The following SLC12A1 variants were observed in gnomAD, a reference collection of about 807,000 sequenced individuals.
SLC12A1 encodes the protein solute carrier family 12 member 1.
SLC12A1 carries 89 observed loss-of-function variants against 130.4 expected under a neutral mutation model. The ratio of observed to expected loss-of-function variants is 0.68; its 90% CI spans 0.58 to 0.81. SLC12A1 has a LOEUF of 0.81. SLC12A1 is among the 40% of genes least tolerant of loss of function. The pLI, the probability that SLC12A1 is intolerant of heterozygous loss-of-function variation, is 0.00. For synonymous variants in SLC12A1, 499 were observed against 460.0 expected (o/e 1.08, Z -1.09); for missense variants, 1,310 against 1,336.4 (o/e 0.98, Z 0.31).
intron 10 of SLC12A1, among the ~76,000 whole-genome samples, chr15:48,244,000 A>G (rs149376533): frequency 6.6e-6 from 1 of 152,264 alleles, no homozygotes; most frequent in South Asian, 2.1e-4. Flanking sequence ...TGATTAAAAT[A>G]TATATCAAGA....
chr15:48,287,454 A>T (rs1387974109), intron 21 of SLC12A1, among the ~76,000 whole-genome samples: 2 of 152,190 alleles, frequency 1.3e-5, no homozygotes, highest in Admixed American at 1.3e-4. Flanking sequence ...AAAGCAGAAG[A>T]GTAAGCCAGG....
At chr15:48,292,870 T>G (rs1335788245) in intron 24 of SLC12A1, among the ~76,000 whole-genome samples, 3 of 151,926 alleles carry the variant, frequency 2.0e-5, no homozygotes, top group African/African-American at 7.3e-5. Context: ...TGAATTTGGG[T>G]GGGGGGACAC....
At chr15:48,247,715 C>T (rs549944974) in intron 13 of SLC12A1, among the ~76,000 whole-genome samples, 1 of 152,284 alleles carries the variant, frequency 6.6e-6, no homozygotes, top group East Asian at 1.9e-4. Flanking sequence ...TGAATCCTTC[C>T]TCCCACCTGC....
intron 26 of SLC12A1, among the ~76,000 whole-genome samples, chr15:48,302,020 T>G (rs945501390): frequency 9.2e-5 from 14 of 152,178 alleles, no homozygotes; most frequent in African/African-American, 3.4e-4. Context: ...TGGACAACTA[T>G]CCATCAAAGA....
intron 2 of SLC12A1, among the ~76,000 whole-genome samples, chr15:48,208,677 T>C (rs144436906): frequency 6.6e-5 from 10 of 152,324 alleles, no homozygotes; most frequent in Admixed American, 6.5e-4. Flanking sequence ...AGGCAATATG[T>C]TGTACCTTGT....
chr15:48,248,154 T>C (rs1000633982), intron 13 of SLC12A1, among the ~76,000 whole-genome samples: 2 of 152,128 alleles, frequency 1.3e-5, no homozygotes, highest in African/African-American at 4.8e-5. Flanking sequence ...CAGAGGACAT[T>C]GGGAGCCACA....
At chr15:48,276,305 A>G (rs2041952861) in intron 20 of SLC12A1, among the ~76,000 whole-genome samples, 1 of 152,194 alleles carries the variant, frequency 6.6e-6, no homozygotes, top group South Asian at 2.1e-4. Context: ...CTGAGCTGGA[A>G]ATACAGATTT....
chr15:48,294,190 A>T (rs1422727614), intron 24 of SLC12A1, among the ~76,000 whole-genome samples: 2 of 151,962 alleles, frequency 1.3e-5, no homozygotes, highest in Non-Finnish European at 2.9e-5. Flanking sequence ...CTCTACTAAA[A>T]ATTCAAAAAT....
intron 19 of SLC12A1, among the ~76,000 whole-genome samples, chr15:48,270,372 T>C (rs187276560): frequency 1.3e-5 from 2 of 152,160 alleles, no homozygotes; most frequent in Admixed American, 1.3e-4. Context: ...CTTTAACATG[T>C]ATTATCTCAT....
intron 17 of SLC12A1, among the ~76,000 whole-genome samples, chr15:48,261,156 G>A (rs2041769980): frequency 6.6e-6 from 1 of 152,124 alleles, no homozygotes; most frequent in African/African-American, 2.4e-5. Context: ...TAAGCAGTTT[G>A]GGGTGTTTTT....
intron 24 of SLC12A1, among the ~76,000 whole-genome samples, chr15:48,297,838 G>A (rs1034920566): frequency 6.6e-6 from 1 of 152,126 alleles, no homozygotes; most frequent in Non-Finnish European, 1.5e-5. Flanking sequence ...CGAGAACCCA[G>A]ACCCTACTCT....
intron 20 of SLC12A1, among the ~76,000 whole-genome samples, chr15:48,275,098 T>C (rs1286005046): frequency 6.6e-6 from 1 of 152,206 alleles, no homozygotes; most frequent in Non-Finnish European, 1.5e-5. Flanking sequence ...GAATCACTAA[T>C]CTAAGTCAGA....
intron 10 of SLC12A1, 103 bp downstream of exon 10, chr15:48,241,702 A>G (rs1161041453): frequency 2.5e-6 from 2 of 811,256 alleles, no homozygotes; most frequent in Non-Finnish European, 4.2e-6. Context: ...GTTTTTTAAA[A>G]GGCAACAATT....
intron 10 of SLC12A1, among the ~76,000 whole-genome samples, chr15:48,244,150 C>G (rs1016961491): frequency 1.3e-5 from 2 of 152,112 alleles, no homozygotes; most frequent in African/African-American, 4.8e-5. Context: ...AATAGATCAG[C>G]TGAGATAGAT....
At chr15:48,248,223 A>G (rs1250737984) in intron 13 of SLC12A1, among the ~76,000 whole-genome samples, 1 of 152,204 alleles carries the variant, frequency 6.6e-6, no homozygotes, top group Admixed American at 6.5e-5. Context: ...GCTCCTCATC[A>G]TTACATATTG....
At chr15:48,259,072 C>G in intron 16 of SLC12A1, 128 bp from the exon 17 acceptor site, 1 of 628,026 alleles carries the variant, frequency 1.6e-6, no homozygotes, top group Non-Finnish European at 2.9e-6. Flanking sequence ...GGTGCGAAAC[C>G]CAAAAAATAG....
chr15:48,220,864 G>C (rs374717287), intron 3 of SLC12A1, 57 bp from the exon 4 acceptor site: 1 of 1,610,284 alleles, frequency 6.2e-7, no homozygotes, highest in Admixed American at 1.7e-5. Context: ...GAAGAGCCCC[G>C]GGTTTTGTCC....
In SLC12A1 at chr15:48,298,695, T is replaced by C. The variant is rs1159785442; in HGVS notation, c.2961-445T>C. Among the ~76,000 whole-genome samples, 3 of 152,208 alleles carry C rather than the reference T, an allele frequency of 2.0e-5. 1 individual carries two copies. The highest frequency in any genetic ancestry group is 7.2e-5 in the African/African-American group (3 of 41,450). On this transcript the variant is annotated intron_variant, in intron 24 of 26. Coordinates refer to ENST00000380993, the MANE Select transcript of SLC12A1 (RefSeq NM_000338.3). ...TGTGGACTAAGGGTGAGGGTAGCCA[T>C]ATCCATTTCCTACATTAATTGATAA...
At chr15:48,279,470 T>A (rs1201674440) in intron 20 of SLC12A1, among the ~76,000 whole-genome samples, 1 of 152,234 alleles carries the variant, frequency 6.6e-6, no homozygotes, top group Non-Finnish European at 1.5e-5. Flanking sequence ...ACGACAATTA[T>A]TTTTATATTG....
Sources: allele counts gnomAD v4.1 joint callset (sites outside exome capture counted in the v4.1 genomes callset), GRCh38; gene constraint gnomAD v4.1.1; transcripts MANE v1.5; gene names NCBI Gene and HGNC (gene_info 2026-07-23, HGNC 2026-07-21).